Variants in CYFIP1 observed in about 807,000 individuals in gnomAD.
CYFIP1 encodes the protein cytoplasmic FMR1 interacting protein 1.
A neutral mutation model predicts 163.5 loss-of-function variants in CYFIP1; 58 were observed. The ratio of observed to expected loss-of-function variants is 0.35; its 90% confidence interval spans 0.29 to 0.44. The LOEUF (loss-of-function observed/expected upper bound fraction) is 0.44. CYFIP1 is among the 20% of genes least tolerant of loss of function. CYFIP1 has a pLI of 1.00. For synonymous variants in CYFIP1, 663 were observed against 660.7 expected (o/e 1.00, Z -0.05); for missense variants, 1,338 against 1,653.8 (o/e 0.81, Z 3.31).
intron 11 of CYFIP1, among the ~76,000 whole-genome samples, chr15:22,929,030 C>T (rs962153323): frequency 6.6e-6 from 1 of 151,786 alleles, no homozygotes; most frequent in African/African-American, 2.4e-5. Context: ...ATCAGCCTGG[C>T]CAACATAGTG....
intron 6 of CYFIP1, 25 bp downstream of exon 6, chr15:22,943,148 C>T (rs756478550): frequency 9.3e-6 from 15 of 1,609,662 alleles, no homozygotes; most frequent in South Asian, 2.2e-5. Flanking sequence ...CGGGAGGGCC[C>T]GCAGTGCGCG....
At chr15:22,878,930 T>A (rs535836702) in intron 26 of CYFIP1, among the ~76,000 whole-genome samples, 36 of 151,012 alleles carry the variant, frequency 2.4e-4, no homozygotes, top group African/African-American at 7.3e-4. Context: ...AAGTCAGGAG[T>A]TGGAGACCAG....
chr15:22,895,979 G>A (rs968854925), intron 22 of CYFIP1, among the ~76,000 whole-genome samples: 13 of 152,130 alleles, frequency 8.5e-5, no homozygotes, highest in Admixed American at 5.2e-4. Context: ...TCCTCCAATT[G>A]ACTATAATCG....
intron 6 of CYFIP1, among the ~76,000 whole-genome samples, chr15:22,942,018 G>A (rs562579949): frequency 6.6e-6 from 1 of 152,328 alleles, no homozygotes; most frequent in South Asian, 2.1e-4. Flanking sequence ...ATCAAACAGG[G>A]ACCCTTCAGA....
At chr15:22,884,801 T>C (rs763663422) in intron 23 of CYFIP1, among the ~76,000 whole-genome samples, 3 of 152,104 alleles carry the variant, frequency 2.0e-5, no homozygotes, top group Non-Finnish European at 4.4e-5. Context: ...TTCAGGCATT[T>C]CCACATGTCC....
At chr15:22,910,302 C>T (rs535956250) in intron 20 of CYFIP1, among the ~76,000 whole-genome samples, 1 of 152,240 alleles carries the variant, frequency 6.6e-6, no homozygotes, top group East Asian at 1.9e-4. Context: ...GCTGGGACTA[C>T]AGGAACCCAC....
rs2059552194 is a variant in CYFIP1, at chr15:22,875,290, G to C, written c.3043-19C>G. On this transcript the variant is annotated intron_variant, in intron 26 of 30. Transcript: ENST00000617928. ...CTAAAGACTAGAGCAGAGAAAGAGA[G>C]GGTCAAGCTAGGAAGGGTATCTCGC... 1 of 1,611,886 alleles carries C rather than the reference G, an allele frequency of 6.2e-7. No homozygotes were observed. Among genetic ancestry groups the C allele is most frequent in the South Asian group, 1.1e-5 (1 of 91,030 alleles).
intron 1 of CYFIP1, among the ~76,000 whole-genome samples, chr15:22,971,105 G>GA (rs1366299815): frequency 2.6e-5 from 4 of 152,022 alleles, no homozygotes; most frequent in Non-Finnish European, 5.9e-5. Flanking sequence ...ACACAAAAAA[G>GA]AAAAGTTAAT....
At chr15:22,923,904 C>A (rs2061270631) in intron 13 of CYFIP1, among the ~76,000 whole-genome samples, 1 of 131,100 alleles carries the variant, frequency 7.6e-6, no homozygotes, top group African/African-American at 3.0e-5. Context: ...AATCCTGCCA[C>A]TGCACTCCAG....
At chr15:22,963,526 T>TAACATAACATAACATAACA (rs2062771928) in intron 1 of CYFIP1, among the ~76,000 whole-genome samples, 1 of 145,510 alleles carries the variant, frequency 6.9e-6, no homozygotes, top group African/African-American at 2.5e-5. Context: ...TAACATAACA[T>TAACATAACATAACATAACA]AACATAACAT....
chr15:22,915,965 A>G lies in CYFIP1; in HGVS notation c.1828+512T>C, dbSNP rs189966358. Among the ~76,000 whole-genome samples the G allele has an allele frequency of 2.0e-5, 3 of 152,318 alleles. No individual in the cohort carries two copies. In the East Asian group the frequency reaches 5.8e-4, roughly 29 times the overall value. On this transcript the variant is annotated intron_variant, in intron 16 of 30. Coordinates refer to ENST00000617928, the MANE Select transcript of CYFIP1 (RefSeq NM_014608.6). ...TACCTCGCAGCACCCCAGCCAAGACAGCAGGGATCCTGTTCTGAGCAAGAG... is the reference window on the plus strand; with the variant it reads ...TACCTCGCAGCACCCCAGCCAAGACGGCAGGGATCCTGTTCTGAGCAAGAG...
intron 1 of CYFIP1, among the ~76,000 whole-genome samples, chr15:22,972,469 A>C (rs183077547): frequency 3.4e-4 from 52 of 152,258 alleles, no homozygotes; most frequent in African/African-American, 1.2e-3. Context: ...AACTACAGAG[A>C]TATAGTAACC....
At chr15:22,932,538 T>C (rs1178256339) in intron 10 of CYFIP1, among the ~76,000 whole-genome samples, 198 bp from the exon 11 acceptor site, 1 of 152,234 alleles carries the variant, frequency 6.6e-6, no homozygotes, top group Non-Finnish European at 1.5e-5. Context: ...ACTTGTTATG[T>C]GTCCTTTACT....
At chr15:22,930,999 C>T (rs2061518662) in intron 11 of CYFIP1, among the ~76,000 whole-genome samples, 2 of 152,162 alleles carry the variant, frequency 1.3e-5, no homozygotes, top group Non-Finnish European at 2.9e-5. Context: ...CATGCCCAAA[C>T]GCTTGCCAGG....
chr15:22,928,829 G>A (rs146570523), intron 11 of CYFIP1, among the ~76,000 whole-genome samples: 1 of 152,222 alleles, frequency 6.6e-6, no homozygotes, highest in East Asian at 1.9e-4. Flanking sequence ...GAAGTCAAAA[G>A]CAAAATGAAA....
Position 22,910,605 on chromosome 15 carries a change from C to G in CYFIP1, c.2183G>C (p.Arg728Pro). 1 of 1,614,110 alleles carries G rather than the reference C, an allele frequency of 6.2e-7. No homozygotes were observed. The highest frequency in any genetic ancestry group is 8.5e-7 in the Non-Finnish European group (1 of 1,179,990). Residue 728 changes from arginine to proline, a missense_variant, in exon 20 of 31, where the codon CGA (arginine) becomes CCA (proline). Arg to Pro is a moderately radical substitution (Grantham distance 103, BLOSUM62 -2). This residue lies in a region of CYFIP1 where 824 missense variants were observed against 995.7 expected (regional missense o/e 0.83). Coordinates refer to ENST00000617928, the MANE Select transcript of CYFIP1 (RefSeq NM_014608.6). ...AGSLLLDKRL[R>P]SECKNQGATI... ...GGCTCCCTGATTCTTGCATTCTGAT[C>G]GTAACCGTTTATCAAGAAGCAAACT...
intron 29 of CYFIP1, 33 bp from the exon 30 acceptor site, chr15:22,873,005 T>A (rs748192560): frequency 6.2e-7 from 1 of 1,610,772 alleles, no homozygotes; most frequent in Non-Finnish European, 8.5e-7. Context: ...GAATGGGAGA[T>A]GAGTGATACG....
At chr15:22,875,845 G>T (rs766044859) in intron 26 of CYFIP1, among the ~76,000 whole-genome samples, 3 of 135,248 alleles carry the variant, frequency 2.2e-5, no homozygotes, top group Non-Finnish European at 4.8e-5. Flanking sequence ...CTCCTTTACA[G>T]AGGTAATAAA....
Position 22,944,822 on chromosome 15 carries a change from A to G in CYFIP1, c.285+40T>C, listed in dbSNP as rs1257098003. The G allele has an allele frequency of 4.4e-6, 7 of 1,598,660 alleles. No homozygotes were observed. In the African/African-American group the frequency reaches 9.4e-5, roughly 21 times the overall value. On this transcript the variant is annotated intron_variant, in intron 4 of 30. Transcript: ENST00000617928. Reference sequence around the variant, plus strand: ...GGGTGTGGTGTGGCAGGGGCCTGGCAGGGTGTGGCTGGAGGGGAAGAGCCA... The same window carrying G: ...GGGTGTGGTGTGGCAGGGGCCTGGCGGGGTGTGGCTGGAGGGGAAGAGCCA...
Sources: allele counts gnomAD v4.1 joint callset (sites outside exome capture counted in the v4.1 genomes callset), GRCh38; gene constraint gnomAD v4.1.1; regional missense constraint gnomAD v4.1.1; transcripts MANE v1.5; gene names NCBI Gene and HGNC (gene_info 2026-07-23, HGNC 2026-07-21).